The following BDNF variants were observed in gnomAD, a reference collection of about 807,000 sequenced individuals.
The protein encoded by BDNF is brain derived neurotrophic factor.
A neutral mutation model predicts 19.5 loss-of-function variants in BDNF; 1 was observed. That is an observed-to-expected ratio of 0.05 (90% CI 0.02 to 0.24). BDNF has a LOEUF of 0.24. BDNF is among the 10% of genes least tolerant of loss of function. The pLI, the probability that BDNF is intolerant of heterozygous loss-of-function variation, is 1.00. For synonymous variants in BDNF, 100 were observed against 121.6 expected, an observed-to-expected ratio of 0.82 and a Z score of 1.17; for missense variants, 195 against 317.6, an observed-to-expected ratio of 0.61 and a Z score of 2.93.
chr11:27,657,006 G>A lies in BDNF; in HGVS notation c.*815C>T. 1.0e-6 allele frequency: 1 copy of A among 985,426 alleles called. No individual in the cohort carries two copies. The highest frequency in any genetic ancestry group is 1.2e-6 in the Non-Finnish European group (1 of 829,950). 61.0% of individuals were successfully genotyped at this position (985,426 alleles called of 1,614,324 possible). On this transcript the variant is annotated 3_prime_UTR_variant, in exon 2 of 2. Coordinates refer to ENST00000356660, the MANE Select transcript of BDNF (RefSeq NM_001709.5). This position sits in a 1 kb window ranked among gnomAD's most constrained non-coding sequence, Gnocchi z 5.0. ...GCAAACATAGGTCCTTCCGTCAAAA[G>A]CAGCTTACTCTGACCAACGCCCAAA...
At chr11:27,699,264 G>T in intron 1 of BDNF, 2 of 1,367,758 alleles carry the variant, frequency 1.5e-6, no homozygotes, top group Non-Finnish European at 1.0e-6. Context: ...GTTCACCCTC[G>T]CAGCCCCGAG....
At chr11:27,714,420 A>AAAATTAT (rs1860442496) in intron 1 of BDNF, among the ~76,000 whole-genome samples, 1 of 152,192 alleles carries the variant, frequency 6.6e-6, no homozygotes. Context: ...AATGACCTGA[A>AAAATTAT]AAATTATAAC....
intron 1 of BDNF, among the ~76,000 whole-genome samples, chr11:27,661,560 T>C (rs980173931): frequency 6.6e-6 from 1 of 152,294 alleles, no homozygotes; most frequent in East Asian, 1.9e-4. Context: ...TATCAGACAC[T>C]CTTTCTGCTC....
intron 1 of BDNF, among the ~76,000 whole-genome samples, chr11:27,663,598 T>A (rs1299841247): frequency 6.6e-6 from 1 of 152,198 alleles, no homozygotes; most frequent in African/African-American, 2.4e-5. Flanking sequence ...GGTATTATTA[T>A]CCCCATTATA....
chr11:27,706,768 G>T (rs1860128512), intron 1 of BDNF, among the ~76,000 whole-genome samples: 1 of 152,140 alleles, frequency 6.6e-6, no homozygotes, highest in Admixed American at 6.5e-5. Context: ...AAAAACTAAA[G>T]GGAAGATTCA....
intron 1 of BDNF, among the ~76,000 whole-genome samples, chr11:27,709,872 G>C (rs866131244): frequency 2.6e-5 from 4 of 152,314 alleles, no homozygotes; most frequent in Admixed American, 2.0e-4. Flanking sequence ...TGATTTAGGT[G>C]ATTTCAATGC....
intron 1 of BDNF, among the ~76,000 whole-genome samples, chr11:27,685,606 C>T (rs1455048970): frequency 6.6e-6 from 1 of 152,158 alleles, no homozygotes; most frequent in Non-Finnish European, 1.5e-5. Flanking sequence ...TATCTTTATT[C>T]TCATTGGTCT....
chr11:27,670,505 A>G (rs1855180013), intron 1 of BDNF, among the ~76,000 whole-genome samples: 1 of 152,216 alleles, frequency 6.6e-6, no homozygotes, highest in South Asian at 2.1e-4. Context: ...TTTACAATCT[A>G]CCCATCTGAC....
At position 27,654,924 on chromosome 11, in the gene BDNF, A is replaced by G. The variant is rs1852369924; in HGVS notation, c.*2897T>C. The G allele has an allele frequency of 6.6e-6, 1 of 152,242 alleles. No individual in the cohort carries two copies. The highest frequency in any genetic ancestry group is 1.5e-5 in the Non-Finnish European group (1 of 68,018). The allele number at this position is 152,242 out of a possible 1,614,324, so 9.4% of individuals were successfully genotyped here. A position where few individuals can be genotyped will look rare whatever the true frequency, so the allele number is the denominator to read the frequency against. ...GTACTTTGAAAATATATTTAAAAAC[A>G]TTAAAAATTCTATATTTAAAACATA... On this transcript the variant is annotated 3_prime_UTR_variant, in exon 2 of 2. Transcript: ENST00000356660.
At chr11:27,700,966 C>T (rs1361165177), upstream of BDNF, 1 of 1,359,904 alleles carries the variant, frequency 7.4e-7, no homozygotes, top group South Asian at 1.2e-5. Context: ...GGGCCACAGA[C>T]ACACCTTCCC....
intron 1 of BDNF, among the ~76,000 whole-genome samples, chr11:27,714,078 T>A (rs1302828015): frequency 1.3e-5 from 2 of 152,250 alleles, no homozygotes; most frequent in East Asian, 3.8e-4. Context: ...AGCTGCCTCA[T>A]CAAAGGGCAA....
At position 27,700,408 on chromosome 11, in the gene BDNF, G is replaced by A. The variant is rs1450297599; in HGVS notation, c.-266C>T. The A allele has an allele frequency of 2.0e-6, 2 of 985,662 alleles. No individual in the cohort carries two copies. Among genetic ancestry groups the A allele is most frequent in the East Asian group, 2.3e-4 (2 of 8,788 alleles). The allele number at this position is 985,662 out of a possible 1,614,324, so 61.1% of individuals were successfully genotyped here. A position where few individuals can be genotyped will look rare whatever the true frequency, so the allele number is the denominator to read the frequency against. The stretch of plus-strand genomic sequence containing the variant: ...CGCGGGACAGCGAGCGGGCGGGTGC[G>A]CCCGGGCGCGGCGGCGGCAGCGTCG... On this transcript the variant is annotated 5_prime_UTR_variant, in exon 1 of 2. Coordinates refer to ENST00000356660, the MANE Select transcript of BDNF (RefSeq NM_001709.5).
At chr11:27,662,221 C>T (rs1397736761) in intron 1 of BDNF, among the ~76,000 whole-genome samples, 1 of 152,100 alleles carries the variant, frequency 6.6e-6, no homozygotes, top group Non-Finnish European at 1.5e-5. Flanking sequence ...AGCTGGCCTA[C>T]TCACTTGTTA....
intron 1 of BDNF, among the ~76,000 whole-genome samples, chr11:27,717,122 G>A (rs1716827606): frequency 6.6e-6 from 1 of 152,122 alleles, no homozygotes; most frequent in African/African-American, 2.4e-5. Context: ...ATTTAGATCA[G>A]AAATCTGATA....
Position 27,658,476 on chromosome 11 carries a change from C to T in BDNF, c.89G>A (p.Gly30Asp). ...CCGCACACCTGGGTAGGCCAAGCCA[C>T]CTTGTCCTCGGATGTTTGCTTCTTT... The part of the protein sequence containing the change: ...PMKEANIRGQ[G>D]GLAYPGVRTH... The change falls in exon 2 of 2, where the codon GGT becomes GAT. Residue 30 changes from glycine to aspartate, a missense_variant. Gly to Asp is a moderately conservative substitution (Grantham distance 94, BLOSUM62 -1). This residue lies in a region of BDNF where 124 missense variants were observed against 155.0 expected (regional missense o/e 0.80). Transcript: ENST00000356660. The surrounding 1 kb of genome is among the most constrained non-coding windows in gnomAD (Gnocchi z 5.7). The T allele has an allele frequency of 6.2e-7, 1 of 1,614,160 alleles. No individual in the cohort carries two copies. The highest frequency in any genetic ancestry group is 2.2e-5 in the East Asian group (1 of 44,882).
Position 27,658,895 on chromosome 11 carries a change from GT to G in BDNF, c.-21-311del, listed in dbSNP as rs1852941466. On this transcript the variant is annotated intron_variant, in intron 1 of 1. Transcript: ENST00000356660. The surrounding 1 kb of genome is among the most constrained non-coding windows in gnomAD (Gnocchi z 5.7). The stretch of plus-strand genomic sequence containing the variant: ...TCCTTCTTCCCACTTTAGCAGCTTT[GT>G]AAGTTTAATTTTTAATGATCTCTGC... 8.1e-7 allele frequency: 1 copy of G among 1,233,584 alleles called. No individual in the cohort carries two copies. The highest frequency in any genetic ancestry group is 1.0e-6 in the Non-Finnish European group (1 of 973,576). The allele number at this position is 1,233,584 out of a possible 1,614,324, so 76.4% of individuals were successfully genotyped here.
intron 1 of BDNF, among the ~76,000 whole-genome samples, chr11:27,683,781 C>T (rs1857143608): frequency 6.6e-6 from 1 of 152,120 alleles, no homozygotes; most frequent in Admixed American, 6.5e-5. Context: ...GTTTATGTAC[C>T]AGTACCATGA....
At position 27,656,782 on chromosome 11, in the gene BDNF, T is replaced by G; in HGVS notation, c.*1039A>C. 1.0e-6 allele frequency: 1 copy of G among 985,360 alleles called. No homozygotes were observed. The highest frequency in any genetic ancestry group is 1.2e-6 in the Non-Finnish European group (1 of 829,906). 61.0% of individuals were successfully genotyped at this position (985,360 alleles called of 1,614,324 possible). On this transcript the variant is annotated 3_prime_UTR_variant, in exon 2 of 2. Transcript: ENST00000356660. ...CTCCTCATAAAAAATAATCTTCATT[T>G]TGGGGTTATTTTTTGTTGTTTTCTG... is the stretch of plus-strand genomic sequence containing the variant.
In BDNF at chr11:27,693,972, ATT is replaced by A. The variant is rs554236116; in HGVS notation, c.-22+6190_-22+6191del. Among the ~76,000 whole-genome samples the A allele has an allele frequency of 3.3e-5, 5 of 150,384 alleles. No homozygotes were observed. In the East Asian group the frequency reaches 9.8e-4, roughly 29 times the overall value. On this transcript the variant is annotated intron_variant, in intron 1 of 1. Transcript: ENST00000356660. The stretch of plus-strand genomic sequence containing the variant: ...ACACACACGCACCTTTATTTTAGTA[ATT>A]TTTTTTTTCTGAAAAAGAAAGTTTT...
Sources: allele counts gnomAD v4.1 joint callset (sites outside exome capture counted in the v4.1 genomes callset), GRCh38; gene constraint gnomAD v4.1.1; regional missense constraint gnomAD v4.1.1; non-coding constraint Gnocchi (gnomAD v3.1); transcripts MANE v1.5; gene names NCBI Gene and HGNC (gene_info 2026-07-23, HGNC 2026-07-21).